The following PPA2 variants were observed in gnomAD, a reference collection of about 807,000 sequenced individuals.
PPA2 encodes inorganic pyrophosphatase 2, mitochondrial.
Under a neutral mutation model 49.5 loss-of-function variants are expected in PPA2, and 48 were observed. The observed-to-expected ratio is 0.97, with a 90% CI of 0.77 to 1.23. PPA2 has a LOEUF of 1.23. PPA2 is among the 50% of genes most tolerant of loss of function. The pLI is 0.00. For synonymous variants in PPA2, 131 were observed against 139.9 expected, an observed-to-expected ratio of 0.94 and a Z score of 0.45; for missense variants, 429 against 410.1, an observed-to-expected ratio of 1.05 and a Z score of -0.40.
At chr4:105,466,258 A>C (rs1723296897) in intron 1 of PPA2, among the ~76,000 whole-genome samples, 1 of 151,816 alleles carries the variant, frequency 6.6e-6, no homozygotes, top group Non-Finnish European at 1.5e-5. Flanking sequence ...TTCCCATTTA[A>C]TTTTTAAGTT....
chr4:105,439,668 T>C (rs529882537), intron 5 of PPA2, among the ~76,000 whole-genome samples: 14 of 151,748 alleles, frequency 9.2e-5, no homozygotes, highest in African/African-American at 3.4e-4. Context: ...TGGCATGGCA[T>C]TTGTGACAAA....
At chr4:105,382,679 G>C (rs1733534362) in intron 10 of PPA2, among the ~76,000 whole-genome samples, 1 of 151,778 alleles carries the variant, frequency 6.6e-6, no homozygotes, top group African/African-American at 2.4e-5. Context: ...ATCAGGTGAA[G>C]GTTAAAAAAA....
chr4:105,382,445 G>C (rs1733525723), intron 10 of PPA2, among the ~76,000 whole-genome samples: 1 of 152,080 alleles, frequency 6.6e-6, no homozygotes, highest in South Asian at 2.1e-4. Context: ...CCTAAAAGTA[G>C]CATCTTAACC....
chr4:105,420,059 G>A (rs750487558), intron 7 of PPA2, among the ~76,000 whole-genome samples: 2 of 151,376 alleles, frequency 1.3e-5, no homozygotes, highest in Non-Finnish European at 2.9e-5. Context: ...CACAACCTCC[G>A]CCTCCTGGGT....
chr4:105,390,788 G>A (rs1733883039), intron 9 of PPA2, among the ~76,000 whole-genome samples: 1 of 152,160 alleles, frequency 6.6e-6, no homozygotes, highest in South Asian at 2.1e-4. Flanking sequence ...GATTCCTCAA[G>A]GATCTAGAAC....
chr4:105,466,155 T>G (rs902951754), intron 1 of PPA2, among the ~76,000 whole-genome samples: 2 of 152,156 alleles, frequency 1.3e-5, no homozygotes, highest in African/African-American at 2.4e-5. Context: ...TTGGTCTTGA[T>G]TGCCATTTCT....
At chr4:105,470,698 G>A (rs550922432) in intron 1 of PPA2, among the ~76,000 whole-genome samples, 5 of 152,236 alleles carry the variant, frequency 3.3e-5, no homozygotes, top group African/African-American at 9.6e-5. Context: ...TACCTATCAC[G>A]TGTGAGACAC....
intron 9 of PPA2, among the ~76,000 whole-genome samples, chr4:105,392,109 GGA>G (rs1220658511): frequency 6.6e-6 from 1 of 152,026 alleles, no homozygotes; most frequent in Non-Finnish European, 1.5e-5. Flanking sequence ...AGAGAAAGTG[GGA>G]GAGGACTGAA....
At chr4:105,456,627 A>T (rs1444749093) in intron 2 of PPA2, 54 bp downstream of exon 2, 1 of 1,416,390 alleles carries the variant, frequency 7.1e-7, no homozygotes, top group African/African-American at 1.4e-5. Context: ...AAAAGCATCT[A>T]ATGGTGATAC....
chr4:105,446,262 A>G (rs1722381547), intron 5 of PPA2, 121 bp downstream of exon 5: 1 of 1,128,642 alleles, frequency 8.9e-7, no homozygotes, highest in Non-Finnish European at 1.2e-6. Flanking sequence ...TAAATTCCAA[A>G]TTTACAAACC....
In PPA2 at chr4:105,374,205, A is replaced by T. The variant is rs1187443612; in HGVS notation, c.940-3332T>A. Among the ~76,000 whole-genome samples the T allele has an allele frequency of 2.0e-5, 3 of 152,174 alleles. No individual in the cohort carries two copies. The East Asian group carries it at 5.8e-4, about 29-fold the overall frequency. On this transcript the variant is annotated intron_variant, in intron 10 of 11. Coordinates refer to ENST00000341695, the MANE Select transcript of PPA2 (RefSeq NM_176869.3). ...TAGGAAAAGAATGTGGACATCCTCT[A>T]CTCACCCAAAATAAATTCTCCACCA...
intron 1 of PPA2, among the ~76,000 whole-genome samples, chr4:105,457,583 A>G (rs1722920921): frequency 6.6e-6 from 1 of 151,422 alleles, no homozygotes; most frequent in Non-Finnish European, 1.5e-5. Flanking sequence ...CAGCAACCAC[A>G]TCTTGGTTTC....
intron 1 of PPA2, among the ~76,000 whole-genome samples, chr4:105,460,155 G>A (rs932757171): frequency 8.5e-5 from 13 of 152,280 alleles, no homozygotes; most frequent in African/African-American, 3.1e-4. Context: ...ATCGCAGATC[G>A]AAAATATTCT....
In PPA2 at chr4:105,398,908, T is replaced by C. The variant is rs565044042; in HGVS notation, c.783+129A>G. 323 of 788,820 alleles carry C rather than the reference T, an allele frequency of 4.1e-4. No individual in the cohort carries two copies. In the African/African-American group the frequency reaches 5.4e-3, roughly 13 times the overall value. 48.9% of individuals were successfully genotyped at this position (788,820 alleles called of 1,614,324 possible). On this transcript the variant is annotated intron_variant, in intron 8 of 11. Transcript: ENST00000341695. ...AATAATAAAATAATGTTTTTAAATA[T>C]GTAAGTTAGTAAAAAGCACTTTTTT...
intron 7 of PPA2, among the ~76,000 whole-genome samples, chr4:105,401,689 G>C (rs1722199626): frequency 6.6e-6 from 1 of 152,098 alleles, no homozygotes; most frequent in Non-Finnish European, 1.5e-5. Context: ...AATAAAGTTA[G>C]GATAATCTGG....
chr4:105,449,034 C>A (rs563979242), intron 4 of PPA2, among the ~76,000 whole-genome samples: 2 of 141,584 alleles, frequency 1.4e-5, no homozygotes, highest in Non-Finnish European at 3.0e-5. Flanking sequence ...CCGGCTAAAA[C>A]GGTGAAACCC....
chr4:105,461,546 G>T (rs1396437059), intron 1 of PPA2, among the ~76,000 whole-genome samples: 1 of 152,168 alleles, frequency 6.6e-6, no homozygotes, highest in Non-Finnish European at 1.5e-5. Context: ...CTTAATGGCA[G>T]TTAGTGAGGG....
chr4:105,461,138 C>G (rs186187504), intron 1 of PPA2, among the ~76,000 whole-genome samples: 20 of 145,378 alleles, frequency 1.4e-4, no homozygotes, highest in Admixed American at 5.6e-4. Flanking sequence ...AACCTGACTT[C>G]TAGTTACTCA....
chr4:105,411,510 T>G (rs954164706), intron 7 of PPA2, among the ~76,000 whole-genome samples: 5 of 152,156 alleles, frequency 3.3e-5, no homozygotes, highest in Non-Finnish European at 7.3e-5. Flanking sequence ...ACTGGAAGCA[T>G]TCCCCTGGAA....
Sources: gnomAD v4.1 joint callset for allele counts (sites outside exome capture counted in the v4.1 genomes callset) on GRCh38, gnomAD v4.1.1 for gene constraint, MANE v1.5 for transcripts, NCBI Gene and HGNC (gene_info 2026-07-23, HGNC 2026-07-21) for gene names.